The following DMXL2 variants were observed in gnomAD, a reference collection of about 807,000 sequenced individuals.
DMXL2 encodes the protein dmX-like protein 2.
A neutral mutation model predicts 331.1 loss-of-function variants in DMXL2; 103 were observed. The observed-to-expected ratio is 0.31, with a 90% confidence interval of 0.27 to 0.37. The LOEUF is 0.37. Among genes scored for constraint, DMXL2 ranks in the 10% least tolerant of loss-of-function variants. The probability of loss-of-function intolerance (pLI) is 1.00; values close to 1 mark genes in which losing one functional copy is unlikely to be tolerated. For synonymous variants in DMXL2, 1,281 were observed against 1,252.1 expected (o/e 1.02, Z -0.49); for missense variants, 3,171 against 3,642.9 (o/e 0.87, Z 3.33).
Position 51,499,815 on chromosome 15 carries a change from A to C in DMXL2, c.3409T>G (p.Ser1137Ala). The change falls in exon 18 of 44, where the codon TCA becomes GCA. Residue 1137 changes from serine to alanine, a missense_variant. By Grantham distance (99) the Ser-to-Ala change is moderately conservative. Coordinates refer to ENST00000560891, the MANE Select transcript of DMXL2 (RefSeq NM_001378457.1). ...DLVKVGSVLDSRVSVDSNLFV... is the reference protein window; with the variant it reads ...DLVKVGSVLDARVSVDSNLFV... ...AGATTACTGTCGACGCTGACCCTTG[A>C]ATCAAGTACACTCCCAACCTTAACC... The C allele has an allele frequency of 6.2e-7, 1 of 1,614,184 alleles. No individual in the cohort carries two copies. Among genetic ancestry groups the C allele is most frequent in the Non-Finnish European group, 8.5e-7 (1 of 1,180,018 alleles).
chr15:51,578,294 C>T (rs917910652), intron 1 of DMXL2, among the ~76,000 whole-genome samples: 1 of 152,280 alleles, frequency 6.6e-6, no homozygotes, highest in African/African-American at 2.4e-5. Flanking sequence ...ATCAAAAAGA[C>T]ATAAAATATT....
chr15:51,519,845 G>C (rs2047254295), intron 13 of DMXL2, among the ~76,000 whole-genome samples: 1 of 151,886 alleles, frequency 6.6e-6, no homozygotes, highest in South Asian at 2.1e-4. Context: ...GTTTCACCAT[G>C]TTGGCCAGGC....
At chr15:51,618,801 T>C (rs974670322) in intron 1 of DMXL2, among the ~76,000 whole-genome samples, 1 of 152,204 alleles carries the variant, frequency 6.6e-6, no homozygotes, top group African/African-American at 2.4e-5. Flanking sequence ...CCTCTTCTTG[T>C]TTTCCCAACT....
chr15:51,481,780 C>G (rs537063790), intron 23 of DMXL2, among the ~76,000 whole-genome samples, 157 bp from the exon 24 acceptor site: 31 of 152,312 alleles, frequency 2.0e-4, no homozygotes, highest in Admixed American at 1.9e-3. Flanking sequence ...TACAACTGTA[C>G]AGCTGAAATA....
Position 51,609,420 on chromosome 15 carries a change from C to A in DMXL2, c.87+13039G>T, listed in dbSNP as rs148519898. 1.8e-3 allele frequency among the ~76,000 whole-genome samples: 274 copies of A among 152,302 alleles called. 1 individual carries two copies. The highest frequency in any genetic ancestry group is 6.4e-3 in the African/African-American group (265 of 41,554). On this transcript the variant is annotated intron_variant, in intron 1 of 43. Coordinates refer to ENST00000560891, the MANE Select transcript of DMXL2 (RefSeq NM_001378457.1). The stretch of plus-strand genomic sequence containing the variant: ...CGTAACATTCTACAACGGACCCGGT[C>A]TACAATGGACCACACATAAACTATG...
intron 1 of DMXL2, among the ~76,000 whole-genome samples, chr15:51,617,895 G>T (rs2054383272): frequency 1.3e-5 from 2 of 152,086 alleles, no homozygotes; most frequent in Non-Finnish European, 2.9e-5. Flanking sequence ...AACAATCTAC[G>T]CAGGGACATA....
intron 1 of DMXL2, among the ~76,000 whole-genome samples, chr15:51,583,073 CTA>C (rs2051556233): frequency 6.9e-6 from 1 of 144,666 alleles, no homozygotes; most frequent in South Asian, 2.2e-4. Flanking sequence ...GAAGAACTTT[CTA>C]CATCAGCACA....
intron 40 of DMXL2, 46 bp downstream of exon 40, chr15:51,455,105 C>T (rs368914274): frequency 1.4e-6 from 2 of 1,417,532 alleles, no homozygotes; most frequent in African/African-American, 2.8e-5. Context: ...ACTTCATGAA[C>T]AAAGTGTTGT....
intron 1 of DMXL2, among the ~76,000 whole-genome samples, chr15:51,617,301 A>G (rs970660895): frequency 1.3e-5 from 2 of 152,210 alleles, no homozygotes; most frequent in African/African-American, 2.4e-5. Context: ...CCTAAACACC[A>G]TCACACTGGT....
chr15:51,619,372 G>C (rs541875611), intron 1 of DMXL2, among the ~76,000 whole-genome samples: 1 of 152,264 alleles, frequency 6.6e-6, no homozygotes, highest in Admixed American at 6.5e-5. Context: ...CTACATTTAC[G>C]AAATCACAAT....
intron 15 of DMXL2, among the ~76,000 whole-genome samples, chr15:51,507,906 T>A (rs949341315): frequency 5.3e-5 from 8 of 152,054 alleles, no homozygotes; most frequent in Admixed American, 3.9e-4. Context: ...AAAAAAGACA[T>A]TACTTGTATA....
intron 1 of DMXL2, among the ~76,000 whole-genome samples, chr15:51,606,106 A>C (rs544274740): frequency 5.3e-4 from 80 of 152,302 alleles, no homozygotes; most frequent in Middle Eastern, 3.4e-3. Flanking sequence ...GACTCCAATA[A>C]ACTACCCAAC....
chr15:51,548,284 A>G (rs2049001702), intron 6 of DMXL2, among the ~76,000 whole-genome samples: 1 of 152,150 alleles, frequency 6.6e-6, no homozygotes, highest in African/African-American at 2.4e-5. Flanking sequence ...TGTATTCCTG[A>G]AAAGTATGCA....
chr15:51,576,501 T>G (rs2051056023), intron 1 of DMXL2, among the ~76,000 whole-genome samples: 1 of 151,966 alleles, frequency 6.6e-6, no homozygotes, highest in Admixed American at 6.6e-5. Flanking sequence ...TTCATCTCAG[T>G]AAACCCTAAA....
Position 51,453,643 on chromosome 15 carries a change from T to C in DMXL2, c.8605-2A>G. On this transcript the variant is annotated splice_acceptor_variant, in intron 40 of 43. Transcript: ENST00000560891. LOFTEE classifies it high-confidence loss of function. Reference sequence around the variant, plus strand: ...GGCTTTACTGTGGCACTGCCAACTCTACGAAAAACAAAGTGCAACTGATGT... The same window carrying C: ...GGCTTTACTGTGGCACTGCCAACTCCACGAAAAACAAAGTGCAACTGATGT... 1 of 1,611,816 alleles carries C rather than the reference T, an allele frequency of 6.2e-7. No individual in the cohort carries two copies. The highest frequency in any genetic ancestry group is 8.5e-7 in the Non-Finnish European group (1 of 1,179,144).
At chr15:51,619,695 T>C (rs1057336289) in intron 1 of DMXL2, among the ~76,000 whole-genome samples, 3 of 152,226 alleles carry the variant, frequency 2.0e-5, no homozygotes, top group African/African-American at 7.2e-5. Flanking sequence ...TGAAATAAAG[T>C]ATGTATTGTA....
intron 43 of DMXL2, 138 bp downstream of exon 43, chr15:51,449,989 CAG>C (rs1232350451): frequency 1.7e-5 from 12 of 722,086 alleles, no homozygotes; most frequent in African/African-American, 1.4e-4. Context: ...GGGGAGGCGG[CAG>C]AGTGTTGAGA....
chr15:51,554,186 G>A (rs2049400897), intron 6 of DMXL2, among the ~76,000 whole-genome samples: 1 of 152,150 alleles, frequency 6.6e-6, no homozygotes, highest in Non-Finnish European at 1.5e-5. Context: ...GCAGCTCTCT[G>A]ACATGCTGAA....
chr15:51,552,120 G>A (rs1049701092), intron 6 of DMXL2, among the ~76,000 whole-genome samples: 11 of 152,218 alleles, frequency 7.2e-5, no homozygotes, highest in African/African-American at 2.7e-4. Context: ...GCCTTGAAAG[G>A]ACATCAGTGT....
Sources: gnomAD v4.1 joint callset for allele counts (sites outside exome capture counted in the v4.1 genomes callset) on GRCh38, gnomAD v4.1.1 for gene constraint, MANE v1.5 for transcripts, NCBI Gene and HGNC (gene_info 2026-07-23, HGNC 2026-07-21) for gene names.